GALNT14: variants seen among roughly 807,000 people sequenced by gnomAD.
The protein encoded by GALNT14 is polypeptide N-acetylgalactosaminyltransferase 14.
A neutral mutation model predicts 77.5 loss-of-function variants in GALNT14; 60 were observed. That is an observed-to-expected ratio of 0.77 (90% CI 0.63 to 0.96). GALNT14 has a LOEUF of 0.96. GALNT14 is among the 40% of genes least tolerant of loss of function. GALNT14 has a pLI of 0.00. For missense variants in GALNT14, 710 were observed against 731.0 expected (o/e 0.97, Z 0.33); for synonymous variants, 280 against 281.7 (o/e 0.99, Z 0.06).
intron 1 of GALNT14, among the ~76,000 whole-genome samples, chr2:31,121,327 A>G (rs10165977): frequency 0.29 from 43,959 of 152,108 alleles, 7,535 homozygotes; most frequent in African/African-American, 0.47. Context: ...GGTGAGGAAT[A>G]CAGAACATAC....
At chr2:30,954,990 T>C (rs560820631) in intron 6 of GALNT14, among the ~76,000 whole-genome samples, 4 of 152,204 alleles carry the variant, frequency 2.6e-5, no homozygotes, top group Non-Finnish European at 5.9e-5. Context: ...ATTCTGTAGA[T>C]CAGTAGGGAA....
rs368790050 is a variant in GALNT14, at chr2:31,066,229, G to T, written c.129+71729C>A. ...CATCGGCTCCTCAGCTGAGCTGGTT[G>T]TAGGCCCCCCCAGAGGCCAGGGCAT... On this transcript the variant is annotated intron_variant, in intron 1 of 14. Transcript: ENST00000349752. Among the ~76,000 whole-genome samples the T allele has an allele frequency of 1.0e-3, 154 of 152,278 alleles. 1 individual carries two copies. Among genetic ancestry groups the T allele is most frequent in the Admixed American group, 3.5e-3 (54 of 15,308 alleles).
At chr2:31,045,782 T>A (rs1351103311) in intron 1 of GALNT14, among the ~76,000 whole-genome samples, 1 of 152,144 alleles carries the variant, frequency 6.6e-6, no homozygotes, top group Non-Finnish European at 1.5e-5. Flanking sequence ...CGATTTTAAC[T>A]GGCCATTTCT....
intron 2 of GALNT14, among the ~76,000 whole-genome samples, chr2:30,989,399 G>C (rs551772968): frequency 1.3e-5 from 2 of 151,362 alleles, no homozygotes; most frequent in African/African-American, 2.4e-5. Context: ...TGTGTGCTCC[G>C]TTTGGGGGTT....
chr2:30,980,552 A>T (rs1368708260), intron 2 of GALNT14, among the ~76,000 whole-genome samples: 1 of 152,226 alleles, frequency 6.6e-6, no homozygotes, highest in Non-Finnish European at 1.5e-5. Context: ...TTACAGATGA[A>T]GAAATGGGGT....
At chr2:31,074,526 G>A (rs1256910972) in intron 1 of GALNT14, among the ~76,000 whole-genome samples, 1 of 152,100 alleles carries the variant, frequency 6.6e-6, no homozygotes, top group Non-Finnish European at 1.5e-5. Context: ...CATGCTGTCT[G>A]TGGGCAGCTT....
chr2:31,115,141 T>G (rs1678043650), intron 1 of GALNT14, among the ~76,000 whole-genome samples: 1 of 152,014 alleles, frequency 6.6e-6, no homozygotes, highest in Non-Finnish European at 1.5e-5. Flanking sequence ...TCCTAACTAC[T>G]TGGGAGGTTG....
chr2:30,937,591 C>T (rs956024866), intron 9 of GALNT14, among the ~76,000 whole-genome samples: 5 of 152,182 alleles, frequency 3.3e-5, no homozygotes, highest in South Asian at 2.1e-4. Context: ...CAGCCGTGGT[C>T]GGTACCTCTC....
chr2:31,006,073 C>T lies in GALNT14; in HGVS notation c.130-13066G>A, dbSNP rs567799855. On this transcript the variant is annotated intron_variant, in intron 1 of 14. Transcript: ENST00000349752. Reference sequence around the variant, plus strand: ...TGCTTGACTTCTGGTCCCTTCTCCTCGTCTGAACTTAGTCCCGAAGGGACT... The same window carrying T: ...TGCTTGACTTCTGGTCCCTTCTCCTTGTCTGAACTTAGTCCCGAAGGGACT... Among the ~76,000 whole-genome samples, 78 of 152,244 alleles carry T rather than the reference C, an allele frequency of 5.1e-4. 1 individual carries two copies. Among genetic ancestry groups the T allele is most frequent in the African/African-American group, 1.6e-3 (65 of 41,524 alleles).
intron 1 of GALNT14, among the ~76,000 whole-genome samples, chr2:31,014,313 T>C (rs1453247066): frequency 1.3e-5 from 2 of 152,182 alleles, no homozygotes; most frequent in Admixed American, 6.5e-5. Context: ...TGGATCTGGA[T>C]AGCTAGTGAG....
At chr2:30,908,781 A>T (rs1193361918), downstream of GALNT14, among the ~76,000 whole-genome samples, 183 of 140,964 alleles carry the variant, frequency 1.3e-3, 2 homozygotes, top group African/African-American at 5.0e-3. Flanking sequence ...ACAAAGCTGG[A>T]GGCATCACGC....
intron 1 of GALNT14, among the ~76,000 whole-genome samples, chr2:31,121,844 T>A (rs1678429378): frequency 6.6e-6 from 1 of 152,008 alleles, no homozygotes; most frequent in Non-Finnish European, 1.5e-5. Context: ...TCCATCTACC[T>A]CCCACTCCCA....
intron 2 of GALNT14, among the ~76,000 whole-genome samples, chr2:30,967,506 C>T (rs974788534): frequency 1.3e-5 from 2 of 152,172 alleles, no homozygotes; most frequent in Non-Finnish European, 2.9e-5. Flanking sequence ...CAAGCATGGG[C>T]TGGGCGTGGG....
chr2:31,024,229 C>T (rs1185216476), intron 1 of GALNT14, among the ~76,000 whole-genome samples: 1 of 152,164 alleles, frequency 6.6e-6, no homozygotes, highest in Non-Finnish European at 1.5e-5. Context: ...CTTACCTGAA[C>T]TCTGATCTCC....
chr2:31,048,559 G>A (rs1673628049), intron 1 of GALNT14, among the ~76,000 whole-genome samples: 1 of 151,948 alleles, frequency 6.6e-6, no homozygotes, highest in African/African-American at 2.4e-5. Flanking sequence ...AGACAGTGCT[G>A]GAGATAACCA....
the GALNT14 span, among the ~76,000 whole-genome samples, chr2:30,903,867 G>A: frequency 2.0e-5 from 3 of 152,182 alleles, no homozygotes; most frequent in African/African-American, 7.2e-5. Flanking sequence ...GCATATTTTG[G>A]GAACTTCATA....
chr2:31,128,809 G>A (rs960545190), intron 1 of GALNT14, among the ~76,000 whole-genome samples: 10 of 152,158 alleles, frequency 6.6e-5, no homozygotes, highest in South Asian at 2.1e-4. Flanking sequence ...CAGTGGTCCC[G>A]TGGACTGGCC....
chr2:31,039,212 A>G lies in GALNT14; in HGVS notation c.130-46205T>C, dbSNP rs187636535. Among the ~76,000 whole-genome samples the G allele has an allele frequency of 2.6e-5, 4 of 152,308 alleles. No individual in the cohort carries two copies. In the East Asian group the frequency reaches 7.7e-4, roughly 29 times the overall value. On this transcript the variant is annotated intron_variant, in intron 1 of 14. Transcript: ENST00000349752. ...ACTCTGCCATTCTGGAAGTGTTACA[A>G]TCACTGACTTTTGAATACATTTTGT... is the stretch of plus-strand genomic sequence containing the variant.
chr2:30,887,527 G>T, the GALNT14 span, among the ~76,000 whole-genome samples: 1 of 152,062 alleles, frequency 6.6e-6, no homozygotes, highest in African/African-American at 2.4e-5. Context: ...CTTCTTTGGA[G>T]AAATGTCTAT....
Sources: gnomAD v4.1 joint callset for allele counts (sites outside exome capture counted in the v4.1 genomes callset) on GRCh38, gnomAD v4.1.1 for gene constraint, MANE v1.5 for transcripts, NCBI Gene and HGNC (gene_info 2026-07-23, HGNC 2026-07-21) for gene names.